Variants in APP observed in about 807,000 individuals in gnomAD.
APP encodes amyloid-beta precursor protein.
In APP, 31 loss-of-function variants were observed where a neutral mutation model predicts 101.4. The observed-to-expected ratio is 0.31, with a 90% CI of 0.23 to 0.41. The LOEUF (loss-of-function observed/expected upper bound fraction) is 0.41, where lower values mean the gene tolerates loss of function less well. Ranked by LOEUF, APP falls within the 10% of genes least tolerant of loss-of-function variation. The pLI is 1.00. For synonymous variants in APP, 366 were observed against 364.4 expected (o/e 1.00, Z -0.05); for missense variants, 839 against 1,003.7 (o/e 0.84, Z 2.22).
intron 13 of APP, among the ~76,000 whole-genome samples, chr21:25,936,534 A>G (rs936615300): frequency 5.3e-5 from 8 of 152,298 alleles, no homozygotes; most frequent in Non-Finnish European, 1.0e-4. Flanking sequence ...CAAGAGCGAA[A>G]CTCTGTCTCA....
chr21:26,109,225 T>G (rs2062254908), intron 2 of APP, among the ~76,000 whole-genome samples: 1 of 152,206 alleles, frequency 6.6e-6, no homozygotes, highest in Admixed American at 6.5e-5. Flanking sequence ...TTTGATACAG[T>G]TTGGCTCTGT....
chr21:25,987,949 A>G (rs951916251), intron 8 of APP, among the ~76,000 whole-genome samples: 2 of 152,230 alleles, frequency 1.3e-5, no homozygotes, highest in East Asian at 1.9e-4. Context: ...CCAGTAAGTC[A>G]TATTGTTAAT....
chr21:26,120,160 C>T (rs2062534148), intron 1 of APP, among the ~76,000 whole-genome samples: 1 of 152,162 alleles, frequency 6.6e-6, no homozygotes, highest in African/African-American at 2.4e-5. Flanking sequence ...TGTGGCTTTG[C>T]AGCATTTTTG....
intron 1 of APP, among the ~76,000 whole-genome samples, chr21:26,114,933 T>C (rs749148840): frequency 1.3e-5 from 2 of 152,264 alleles, no homozygotes; most frequent in East Asian, 1.9e-4. Context: ...TGTGTGTATG[T>C]TGACTACCAA....
At chr21:25,987,802 C>T (rs555117079) in intron 8 of APP, among the ~76,000 whole-genome samples, 2 of 152,272 alleles carry the variant, frequency 1.3e-5, no homozygotes. Context: ...TCTTTTATTC[C>T]TCCAGCCCAC....
At chr21:26,112,411 G>A (rs796272240) in intron 1 of APP, among the ~76,000 whole-genome samples, 1 of 152,156 alleles carries the variant, frequency 6.6e-6, no homozygotes, top group African/African-American at 2.4e-5. Context: ...AAATTTACAC[G>A]TTTTCCCATA....
At chr21:26,015,063 A>AC (rs1395703618) in intron 6 of APP, among the ~76,000 whole-genome samples, 1 of 152,240 alleles carries the variant, frequency 6.6e-6, no homozygotes, top group Non-Finnish European at 1.5e-5. Flanking sequence ...ACACAAAAAA[A>AC]ATTTAAGCAA....
rs115609730 is a variant in APP, at chr21:25,995,486, C to T, written c.1090+1874G>A. On this transcript the variant is annotated intron_variant, in intron 8 of 17. Transcript: ENST00000346798. The stretch of plus-strand genomic sequence containing the variant: ...TTTTGGGTTTCAAAGCCTGGTCCTG[C>T]CATGTTCGATGGCTTGGGACAAGTC... Among the ~76,000 whole-genome samples the T allele has an allele frequency of 4.7e-3, 719 of 152,268 alleles. 10 individuals carry two copies. Among genetic ancestry groups the T allele is most frequent in the African/African-American group, 0.016 (681 of 41,548 alleles).
At chr21:26,000,290 G>A in intron 6 of APP, 108 bp from the exon 7 acceptor site, 1 of 1,376,782 alleles carries the variant, frequency 7.3e-7, no homozygotes, top group East Asian at 2.4e-5. Flanking sequence ...AACCTGGACT[G>A]GTTTATTAGG....
At chr21:26,025,373 T>G (rs2044524331) in intron 5 of APP, among the ~76,000 whole-genome samples, 1 of 152,178 alleles carries the variant, frequency 6.6e-6, no homozygotes, top group Admixed American at 6.5e-5. Flanking sequence ...AAGTGGAAAA[T>G]TCAGGGAAAG....
intron 13 of APP, among the ~76,000 whole-genome samples, chr21:25,935,985 A>G (rs1282296364): frequency 6.6e-6 from 1 of 152,142 alleles, no homozygotes; most frequent in Non-Finnish European, 1.5e-5. Context: ...TTAGGTGCAG[A>G]AACAGGAGAA....
chr21:26,151,224 A>G (rs182642139), intron 1 of APP, among the ~76,000 whole-genome samples: 1 of 146,592 alleles, frequency 6.8e-6, no homozygotes, highest in Admixed American at 6.9e-5. Flanking sequence ...AGTGGCAAGG[A>G]GGACGCTTTA....
rs538920333 is a variant in APP at position 25,886,869 on chromosome 21, G to A, written c.2211+4853C>T. Among the ~76,000 whole-genome samples, 4 of 152,160 alleles carry A rather than the reference G, an allele frequency of 2.6e-5. No individual in the cohort carries two copies. The South Asian group carries it at 8.3e-4, about 32-fold the overall frequency. Reference sequence around the variant, plus strand: ...CCAACGTCAGTGCGTCTGTATCCTGGTGGGTCAGCTTCTGGCCGGGAAGAA... The same window carrying A: ...CCAACGTCAGTGCGTCTGTATCCTGATGGGTCAGCTTCTGGCCGGGAAGAA... On this transcript the variant is annotated intron_variant, in intron 17 of 17. Transcript: ENST00000346798.
chr21:25,982,869 A>G (rs1038720420), intron 8 of APP, among the ~76,000 whole-genome samples: 10 of 152,234 alleles, frequency 6.6e-5, no homozygotes, highest in African/African-American at 2.2e-4. Flanking sequence ...AATATCATAC[A>G]CTAAGACTCC....
chr21:26,118,869 T>TAC (rs1298365152), intron 1 of APP, among the ~76,000 whole-genome samples: 4 of 147,198 alleles, frequency 2.7e-5, no homozygotes, highest in African/African-American at 9.8e-5. Context: ...ACATGTCTCA[T>TAC]ACAGTCACCA....
chr21:26,102,082 GTTTTTTTTTT>G (rs35680514), intron 2 of APP, among the ~76,000 whole-genome samples: 2 of 101,158 alleles, frequency 2.0e-5, no homozygotes, highest in African/African-American at 3.9e-5. Flanking sequence ...AAACTATGTG[GTTTTTTTTTT>G]TTTTTTTTTT....
chr21:25,973,006 AG>A (rs1383338629), intron 11 of APP, among the ~76,000 whole-genome samples: 3 of 152,224 alleles, frequency 2.0e-5, no homozygotes, highest in African/African-American at 7.2e-5. Context: ...TGACAAGTTT[AG>A]AATGTTTTCT....
At position 26,067,794 on chromosome 21, in the gene APP, A is replaced by C. The variant is rs8130747; in HGVS notation, c.356-14446T>G. 2.5e-3 allele frequency among the ~76,000 whole-genome samples: 380 copies of C among 152,300 alleles called. 3 individuals carry two copies. Among genetic ancestry groups the C allele is most frequent in the African/African-American group, 8.9e-3 (372 of 41,566 alleles). ...GCTTAGTTCAGTCCTCTGTATCCCG[A>C]GAGATGAGCTGAAAAAGCAGATATA... On this transcript the variant is annotated intron_variant, in intron 3 of 17. Coordinates refer to ENST00000346798, the MANE Select transcript of APP (RefSeq NM_000484.4).
In APP at chr21:25,963,331, C is replaced by T. The variant is rs148575841; in HGVS notation, c.1459-7576G>A. On this transcript the variant is annotated intron_variant, in intron 11 of 17. Coordinates refer to ENST00000346798, the MANE Select transcript of APP (RefSeq NM_000484.4). ...TATTAAAATTATTAAGTCCTATTGT[C>T]CCACTCCACAGCTTTATGCTTGATC... 2.6e-3 allele frequency among the ~76,000 whole-genome samples: 393 copies of T among 152,258 alleles called. 3 individuals carry two copies. The highest frequency in any genetic ancestry group is 0.01 in the Middle Eastern group (3 of 294).
Sources: allele counts gnomAD v4.1 joint callset (sites outside exome capture counted in the v4.1 genomes callset), GRCh38; gene constraint gnomAD v4.1.1; transcripts MANE v1.5; gene names NCBI Gene and HGNC (gene_info 2026-07-23, HGNC 2026-07-21).